Variants in INSIG1 observed in about 807,000 individuals in gnomAD.
INSIG1 encodes insulin induced gene 1.
Under a neutral mutation model 26.5 loss-of-function variants are expected in INSIG1, and 14 were observed. The observed-to-expected ratio is 0.53, with a 90% CI of 0.35 to 0.83. The LOEUF (loss-of-function observed/expected upper bound fraction) is 0.83. Ranked by LOEUF, INSIG1 falls within the 40% of genes least tolerant of loss-of-function variation. The pLI, the probability that INSIG1 is intolerant of heterozygous loss-of-function variation, is 0.01. For missense variants in INSIG1, 272 were observed against 368.9 expected (o/e 0.74, Z 2.15); for synonymous variants, 147 against 153.3 (o/e 0.96, Z 0.30).
intron 5 of INSIG1, chr7:155,303,765 T>C (rs1797858035): frequency 5.3e-6 from 5 of 944,836 alleles, no homozygotes; most frequent in Non-Finnish European, 7.5e-6. Context: ...AGATAAGCTC[T>C]GGGAAAACTT....
rs1797694296 is a variant in INSIG1, at chr7:155,298,534, C to T, written c.249C>T (p.Arg83=). ...CCTACCCCAACACCTGGCATCATCG[C>T]CTGTTGCAGAGGAGCCTCGTGCTCT... is the stretch of plus-strand genomic sequence containing the variant. ...GSPYPNTWHH[R]LLQRSLVLFS... is the part of the protein sequence containing the mutation. Residue 83 remains arginine (R), a synonymous_variant, in exon 2 of 6, where the codon CGC becomes CGT. Coordinates refer to ENST00000340368, the MANE Select transcript of INSIG1 (RefSeq NM_005542.6). The T allele has an allele frequency of 1.9e-6, 3 of 1,602,098 alleles. No individual in the cohort carries two copies. Among genetic ancestry groups the T allele is most frequent in the Non-Finnish European group, 2.6e-6 (3 of 1,174,382 alleles).
At chr7:155,307,327 A>T (rs959522427) in intron 5 of INSIG1, among the ~76,000 whole-genome samples, 1 of 152,172 alleles carries the variant, frequency 6.6e-6, no homozygotes, top group Non-Finnish European at 1.5e-5. Flanking sequence ...CTGGATGAGT[A>T]ATCTCCGTCA....
rs181066493 is a variant in INSIG1 at position 155,302,742 on chromosome 7, T to C, written c.705-5T>C. ...GCTAAGGTACAGTTTCTTTTCTCGCTCCAGGTATACATCCCCAGATTTCCT... is the reference window on the plus strand; with the variant it reads ...GCTAAGGTACAGTTTCTTTTCTCGCCCCAGGTATACATCCCCAGATTTCCT... On this transcript the variant is annotated splice_region_variant and splice_polypyrimidine_tract_variant and intron_variant, in intron 4 of 5. Coordinates refer to ENST00000340368, the MANE Select transcript of INSIG1 (RefSeq NM_005542.6). The surrounding 1 kb of genome is among the most constrained non-coding windows in gnomAD (Gnocchi z 4.3). 6.7e-4 allele frequency: 1,065 copies of C among 1,588,360 alleles called. 4 individuals are homozygous for C. Among genetic ancestry groups the C allele is most frequent in the Non-Finnish European group, 7.3e-4 (849 of 1,156,710 alleles).
In INSIG1 at chr7:155,308,226, C is replaced by A. The variant is rs1304481861; in HGVS notation, c.805-15C>A. 1.5e-6 allele frequency: 2 copies of A among 1,307,580 alleles called. No homozygotes were observed. The highest frequency in any genetic ancestry group is 2.1e-6 in the Non-Finnish European group (2 of 936,442). The allele number at this position is 1,307,580 out of a possible 1,614,324, so 81.0% of individuals were successfully genotyped here. ...TAATTTTCTCTTTCCTTTTTTTTTTCCTTTCTACACATAGGGTGTTCCTGA... is the reference window on the plus strand; with the variant it reads ...TAATTTTCTCTTTCCTTTTTTTTTTACTTTCTACACATAGGGTGTTCCTGA... On this transcript the variant is annotated splice_polypyrimidine_tract_variant and intron_variant, in intron 5 of 5. Transcript: ENST00000340368.
At chr7:155,299,532 A>G (rs1179919374) in intron 2 of INSIG1, among the ~76,000 whole-genome samples, 3 of 152,170 alleles carry the variant, frequency 2.0e-5, no homozygotes, top group African/African-American at 4.8e-5. Flanking sequence ...GCTTTCTGCA[A>G]CCTCAACTCT....
At position 155,308,277 on chromosome 7, in the gene INSIG1, A is replaced by C. The variant is rs752606648; in HGVS notation, c.*7A>C. The C allele has an allele frequency of 6.2e-7, 1 of 1,612,722 alleles. No individual in the cohort carries two copies. The highest frequency in any genetic ancestry group is 8.5e-7 in the Non-Finnish European group (1 of 1,178,898). ...AAAGCCCCATAGTGATTGAGTCTTC[A>C]AAACCACCGATTCTGAGAGCAAGGA... On this transcript the variant is annotated 3_prime_UTR_variant, in exon 6 of 6. Coordinates refer to ENST00000340368, the MANE Select transcript of INSIG1 (RefSeq NM_005542.6).
At chr7:155,300,173 C>G (rs917306830) in intron 2 of INSIG1, among the ~76,000 whole-genome samples, 1 of 152,094 alleles carries the variant, frequency 6.6e-6, no homozygotes, top group Admixed American at 6.5e-5. Context: ...TAACCAAAAA[C>G]TTGATCTTAG....
chr7:155,301,740 A>G (rs1797790803), intron 3 of INSIG1, 50 bp downstream of exon 3: 1 of 1,449,888 alleles, frequency 6.9e-7, no homozygotes, highest in South Asian at 1.6e-5. Context: ...TAGGTTATAT[A>G]TTGAAGCGTT....
chr7:155,301,733 G>A (rs1479916070), intron 3 of INSIG1, 43 bp downstream of exon 3: 8 of 1,467,276 alleles, frequency 5.5e-6, no homozygotes, highest in Admixed American at 4.2e-5. Context: ...ATCTTCTTAG[G>A]TTATATATTG....
chr7:155,298,661 G>T lies in INSIG1; in HGVS notation c.376G>T (p.Ala126Ser). 1 of 1,612,468 alleles carries T rather than the reference G, an allele frequency of 6.2e-7. No individual in the cohort carries two copies. Among genetic ancestry groups the T allele is most frequent in the Non-Finnish European group, 8.5e-7 (1 of 1,179,926 alleles). Residue 126 changes from alanine to serine, a missense_variant, in exon 2 of 6, where the codon GCC becomes TCC. Ala to Ser is a moderately conservative substitution (Grantham distance 99, BLOSUM62 1). Transcript: ENST00000340368. ...GGTGATCGCCACCATCTTTTCCTCC[G>T]CCTGGTGGGTCCCTCCCTGCTGCGG... ...EEVIATIFSS[A>S]WWVPPCCGTA...
chr7:155,307,797 A>T (rs10258075), intron 5 of INSIG1, among the ~76,000 whole-genome samples: 17,987 of 152,278 alleles, frequency 0.12, 1,062 homozygotes, highest in South Asian at 0.18. Flanking sequence ...ACCTCCCTTC[A>T]GATAAAGGTT....
Position 155,308,299 on chromosome 7 carries a change from A to T in INSIG1, c.*29A>T, listed in dbSNP as rs769265843. 1 of 1,613,104 alleles carries T rather than the reference A, an allele frequency of 6.2e-7. No individual in the cohort carries two copies. The highest frequency in any genetic ancestry group is 8.5e-7 in the Non-Finnish European group (1 of 1,179,308). ...TTCAAAACCACCGATTCTGAGAGCAAGGAAGATTTTGGAAGAAAATCTGAC... is the reference window on the plus strand; with the variant it reads ...TTCAAAACCACCGATTCTGAGAGCATGGAAGATTTTGGAAGAAAATCTGAC... On this transcript the variant is annotated 3_prime_UTR_variant, in exon 6 of 6. Coordinates refer to ENST00000340368, the MANE Select transcript of INSIG1 (RefSeq NM_005542.6).
chr7:155,305,948 A>C (rs958062210), intron 5 of INSIG1, among the ~76,000 whole-genome samples: 3 of 152,156 alleles, frequency 2.0e-5, no homozygotes, highest in Non-Finnish European at 4.4e-5. Flanking sequence ...ATACAGCAGA[A>C]ACATTTGTTA....
intron 2 of INSIG1, among the ~76,000 whole-genome samples, 189 bp downstream of exon 2, chr7:155,298,886 C>T (rs781246212): frequency 6.6e-6 from 1 of 152,224 alleles, no homozygotes; most frequent in African/African-American, 2.4e-5. Flanking sequence ...AGGGCGGGTT[C>T]GGGCCACAGC....
Position 155,302,856 on chromosome 7 carries a change from A to C in INSIG1, c.804+10A>C. On this transcript the variant is annotated intron_variant, in intron 5 of 5. Transcript: ENST00000340368. The surrounding 1 kb of genome is among the most constrained non-coding windows in gnomAD (Gnocchi z 4.3). Reference sequence around the variant, plus strand: ...ACGACAGTTAGCTATGGTAAGTGAAATGATCATATTATCTTCTAAAACTTG... The same window carrying C: ...ACGACAGTTAGCTATGGTAAGTGAACTGATCATATTATCTTCTAAAACTTG... 1 of 1,537,380 alleles carries C rather than the reference A, an allele frequency of 6.5e-7. No homozygotes were observed. Among genetic ancestry groups the C allele is most frequent in the Non-Finnish European group, 9.0e-7 (1 of 1,110,540 alleles).
intron 2 of INSIG1, among the ~76,000 whole-genome samples, chr7:155,299,160 G>A (rs377495346): frequency 2.6e-5 from 4 of 152,180 alleles, no homozygotes; most frequent in Admixed American, 2.0e-4. Flanking sequence ...TTCAGGAGGC[G>A]GTTGCCAGGG....
chr7:155,308,365 T>A lies in INSIG1; in HGVS notation c.*95T>A. The A allele has an allele frequency of 7.0e-7, 1 of 1,427,556 alleles. No homozygotes were observed. Among genetic ancestry groups the A allele is most frequent in the Non-Finnish European group, 9.9e-7 (1 of 1,010,750 alleles). 88.4% of individuals were successfully genotyped at this position (1,427,556 alleles called of 1,614,324 possible). ...AGATTATCTTTTTTCTTAAGTAATC[T>A]ATTTAGATCGGGCTGACTGTACAAA... On this transcript the variant is annotated 3_prime_UTR_variant, in exon 6 of 6. Coordinates refer to ENST00000340368, the MANE Select transcript of INSIG1 (RefSeq NM_005542.6).
rs551141308 is a variant in INSIG1, at chr7:155,302,711, T to C, written c.705-36T>C. The C allele has an allele frequency of 1.3e-5, 18 of 1,407,122 alleles. No individual in the cohort carries two copies. The highest frequency in any genetic ancestry group is 9.9e-5 in the African/African-American group (7 of 70,562). The allele number at this position is 1,407,122 out of a possible 1,614,324, so 87.2% of individuals were successfully genotyped here. A position where few individuals can be genotyped will look rare whatever the true frequency, so the allele number is the denominator to read the frequency against. ...TGATGTAGAATTGAGCCAGGTGAAA[T>C]TGACTGCTAAGGTACAGTTTCTTTT... On this transcript the variant is annotated intron_variant, in intron 4 of 5. Transcript: ENST00000340368. The surrounding 1 kb of genome is among the most constrained non-coding windows in gnomAD (Gnocchi z 4.3).
At chr7:155,305,350 A>G (rs970083641) in intron 5 of INSIG1, among the ~76,000 whole-genome samples, 1 of 152,058 alleles carries the variant, frequency 6.6e-6, no homozygotes, top group Non-Finnish European at 1.5e-5. Context: ...TCTATCCATC[A>G]AACCCCGGAA....
Sources: gnomAD v4.1 joint callset for allele counts (sites outside exome capture counted in the v4.1 genomes callset) on GRCh38, gnomAD v4.1.1 for gene constraint, Gnocchi (gnomAD v3.1) non-coding constraint, MANE v1.5 for transcripts, NCBI Gene and HGNC (gene_info 2026-07-23, HGNC 2026-07-21) for gene names.